Variants in PDZD2 observed in about 807,000 individuals in gnomAD.
PDZD2 encodes the protein PDZ domain-containing protein 2.
PDZD2 carries 90 observed loss-of-function variants against 220.7 expected under a neutral mutation model. The observed-to-expected ratio is 0.41, with a 90% CI of 0.34 to 0.49. The LOEUF is 0.49. Ranked by LOEUF, PDZD2 falls within the 20% of genes least tolerant of loss-of-function variation. The probability of loss-of-function intolerance (pLI) is 0.28; values close to 1 mark genes in which losing one functional copy is unlikely to be tolerated. For missense variants in PDZD2, 3,174 were observed against 3,608.5 expected (o/e 0.88, Z 3.08); for synonymous variants, 1,375 against 1,450.5 (o/e 0.95, Z 1.18).
intron 2 of PDZD2, among the ~76,000 whole-genome samples, chr5:31,949,356 CA>C (rs1244922489): frequency 6.6e-6 from 1 of 151,994 alleles, no homozygotes; most frequent in African/African-American, 2.4e-5. Context: ...GCACTTCTAA[CA>C]ACTGGAGTTT....
intron 19 of PDZD2, among the ~76,000 whole-genome samples, chr5:32,079,269 C>CAAAAAAAAAAAAA (rs796887034): frequency 1.2e-5 from 1 of 82,790 alleles, no homozygotes; most frequent in African/African-American, 5.4e-5. Context: ...AAAAAAAAAA[C>CAAAAAAAAAAAAA]AAAAAAAAAA....
chr5:31,725,742 C>G, intron 1 of PDZD2: 2 of 911,756 alleles, frequency 2.2e-6, no homozygotes, highest in Non-Finnish European at 3.6e-6. Context: ...CGTGATTTAG[C>G]CTTCATTTCT....
chr5:31,861,713 G>A (rs1393395292), intron 2 of PDZD2, among the ~76,000 whole-genome samples: 1 of 152,126 alleles, frequency 6.6e-6, no homozygotes, highest in Non-Finnish European at 1.5e-5. Context: ...CTAGGACTGT[G>A]GAGGCTGAAA....
chr5:32,078,638 T>TAAAAAAAAA (rs66500422), intron 19 of PDZD2, among the ~76,000 whole-genome samples: 3 of 104,920 alleles, frequency 2.9e-5, no homozygotes, highest in Non-Finnish European at 5.4e-5. Context: ...TCTCAAAAAT[T>TAAAAAAAAA]AAAAAAAAAA....
At position 31,894,452 on chromosome 5, in the gene PDZD2, G is replaced by A. The variant is rs181523859; in HGVS notation, c.477-88703G>A. 1.2e-3 allele frequency among the ~76,000 whole-genome samples: 186 copies of A among 152,074 alleles called. 6 individuals are homozygous for A. Among genetic ancestry groups the A allele is most frequent in the Admixed American group, 1.5e-3 (23 of 15,248 alleles). On this transcript the variant is annotated intron_variant, in intron 2 of 24. Transcript: ENST00000438447. ...TGAGTGACATCAAGGAGATAGGGCC[G>A]TTCTTGATGTTTTTTTCCCTTCCAG...
At position 31,799,202 on chromosome 5, in the gene PDZD2, C is replaced by G; in HGVS notation, c.-47C>G. The G allele has an allele frequency of 7.2e-7, 1 of 1,387,546 alleles. No homozygotes were observed. Among genetic ancestry groups the G allele is most frequent in the South Asian group, 1.3e-5 (1 of 75,062 alleles). The allele number at this position is 1,387,546 out of a possible 1,614,324, so 86.0% of individuals were successfully genotyped here. ...ACGTGGGGCCCTGTGGGGTCTGGCCCCCAGGAGCAAGACCTCTGATGATGC... is the reference window on the plus strand; with the variant it reads ...ACGTGGGGCCCTGTGGGGTCTGGCCGCCAGGAGCAAGACCTCTGATGATGC... On this transcript the variant is annotated 5_prime_UTR_variant, in exon 2 of 25. Coordinates refer to ENST00000438447, the MANE Select transcript of PDZD2 (RefSeq NM_178140.4).
At chr5:32,081,717 T>C (rs1741972421) in intron 19 of PDZD2, among the ~76,000 whole-genome samples, 1 of 151,736 alleles carries the variant, frequency 6.6e-6, no homozygotes. Context: ...AAAACATGTC[T>C]TTGTTTTGTT....
At chr5:31,762,375 C>T (rs970328230) in intron 1 of PDZD2, among the ~76,000 whole-genome samples, 2 of 152,262 alleles carry the variant, frequency 1.3e-5, no homozygotes, top group African/African-American at 4.8e-5. Flanking sequence ...ACAACCTCCA[C>T]CTCCTGGGTT....
At chr5:31,859,122 A>C (rs76129659) in intron 2 of PDZD2, among the ~76,000 whole-genome samples, 1 of 151,716 alleles carries the variant, frequency 6.6e-6, no homozygotes, top group South Asian at 2.1e-4. Flanking sequence ...CCACACCCCT[A>C]TGATTGAATC....
chr5:31,897,940 G>T (rs1184428819), intron 2 of PDZD2, among the ~76,000 whole-genome samples: 1 of 151,970 alleles, frequency 6.6e-6, no homozygotes, highest in African/African-American at 2.4e-5. Flanking sequence ...GGGTTTCACC[G>T]TGTTGGCCAG....
At chr5:31,838,837 C>G (rs1757099926) in intron 2 of PDZD2, among the ~76,000 whole-genome samples, 1 of 152,218 alleles carries the variant, frequency 6.6e-6, no homozygotes, top group African/African-American at 2.4e-5. Context: ...TGAACACATT[C>G]TGGACACCTG....
chr5:31,708,798 C>T (rs148653540), intron 1 of PDZD2, among the ~76,000 whole-genome samples: 26 of 152,098 alleles, frequency 1.7e-4, no homozygotes, highest in Non-Finnish European at 3.1e-4. Context: ...TTTCTGATAA[C>T]CCATTAAGGG....
intron 1 of PDZD2, among the ~76,000 whole-genome samples, chr5:31,767,523 G>C (rs1387125235): frequency 6.6e-6 from 1 of 152,204 alleles, no homozygotes; most frequent in East Asian, 1.9e-4. Context: ...TCATTTCCAA[G>C]ACCTTCATTT....
At chr5:32,106,400 C>G (rs1581514231) in intron 24 of PDZD2, 2 of 152,446 alleles carry the variant, frequency 1.3e-5, no homozygotes, top group East Asian at 3.9e-4. Flanking sequence ...CCACTGCTCA[C>G]CTGCTGTGCA....
intron 6 of PDZD2, among the ~76,000 whole-genome samples, chr5:32,035,506 T>C (rs1017348280): frequency 3.9e-5 from 6 of 152,106 alleles, no homozygotes; most frequent in Non-Finnish European, 8.8e-5. Context: ...GGTGAATTTT[T>C]TTTTAAGAGA....
rs140570238 is a variant in PDZD2, at chr5:31,887,876, G to T, written c.476+88152G>T. ...GGAAAAATAAAATGGATTGGTCTGT[G>T]GGGGGACAGTTACACATAGCTTTGA... is the stretch of plus-strand genomic sequence containing the variant. On this transcript the variant is annotated intron_variant, in intron 2 of 24. Coordinates refer to ENST00000438447, the MANE Select transcript of PDZD2 (RefSeq NM_178140.4). Among the ~76,000 whole-genome samples, 9 of 151,888 alleles carry T rather than the reference G, an allele frequency of 5.9e-5. No homozygotes were observed. The South Asian group carries it at 1.5e-3, about 25-fold the overall frequency.
At chr5:31,786,647 G>A (rs764503945) in intron 1 of PDZD2, among the ~76,000 whole-genome samples, 5 of 151,892 alleles carry the variant, frequency 3.3e-5, no homozygotes, top group East Asian at 1.9e-4. Context: ...TCCCTGCCTC[G>A]CTAACTTAGC....
At chr5:31,823,731 C>G (rs555114100) in intron 2 of PDZD2, among the ~76,000 whole-genome samples, 99 of 152,272 alleles carry the variant, frequency 6.5e-4, no homozygotes, top group Non-Finnish European at 1.2e-3. Context: ...AAAACCACCT[C>G]CATCCTCTTA....
At chr5:32,051,796 G>A (rs1214253046) in intron 8 of PDZD2, among the ~76,000 whole-genome samples, 2 of 152,204 alleles carry the variant, frequency 1.3e-5, no homozygotes, top group African/African-American at 4.8e-5. Context: ...CCGTCTCTCA[G>A]CGGGATGTTT....
Sources: allele counts gnomAD v4.1 joint callset (sites outside exome capture counted in the v4.1 genomes callset), GRCh38; gene constraint gnomAD v4.1.1; transcripts MANE v1.5; gene names NCBI Gene and HGNC (gene_info 2026-07-23, HGNC 2026-07-21).